Variants in AIG1 observed in about 807,000 individuals in gnomAD.
AIG1 encodes the protein androgen-induced gene 1 protein.
A neutral mutation model predicts 31.4 loss-of-function variants in AIG1; 23 were observed. The observed-to-expected ratio is 0.73, with a 90% confidence interval of 0.53 to 1.04. The LOEUF is 1.04. Among genes scored for constraint, AIG1 ranks in the 50% least tolerant of loss-of-function variants. The pLI, the probability that AIG1 is intolerant of heterozygous loss-of-function variation, is 0.00. For synonymous variants in AIG1, 100 were observed against 110.5 expected (o/e 0.90, Z 0.60); for missense variants, 274 against 295.0 (o/e 0.93, Z 0.52).
rs1213565496 is a variant in AIG1 at position 143,163,288 on chromosome 6, ACTAT to A, written c.298-1791_298-1788del. 3.9e-5 allele frequency among the ~76,000 whole-genome samples: 6 copies of A among 152,208 alleles called. No individual in the cohort carries two copies. The East Asian group carries it at 9.6e-4, about 24-fold the overall frequency. On this transcript the variant is annotated intron_variant, in intron 2 of 5. Transcript: ENST00000357847. ...AATGGCTATCTTTAATTAAGTGTTT[ACTAT>A]CTGTCACTAATATCTTTAGGTGTGA...
intron 1 of AIG1, among the ~76,000 whole-genome samples, chr6:143,073,913 C>T (rs796991945): frequency 1.3e-5 from 2 of 152,192 alleles, no homozygotes; most frequent in African/African-American, 2.4e-5. Context: ...CCAATAACTT[C>T]GCACCAGGCC....
At chr6:143,307,792 C>A (rs1451146550) in intron 4 of AIG1, among the ~76,000 whole-genome samples, 1 of 152,208 alleles carries the variant, frequency 6.6e-6, no homozygotes, top group Non-Finnish European at 1.5e-5. Flanking sequence ...TTGTCTGTGC[C>A]CTGCCCCCAG....
At chr6:143,300,308 C>T (rs1376638019) in intron 4 of AIG1, among the ~76,000 whole-genome samples, 2 of 152,136 alleles carry the variant, frequency 1.3e-5, no homozygotes, top group Admixed American at 6.5e-5. Context: ...TATTTCTGGA[C>T]AAGTTTTTAT....
intron 3 of AIG1, among the ~76,000 whole-genome samples, chr6:143,266,935 A>G (rs1205610651): frequency 6.6e-6 from 1 of 152,178 alleles, no homozygotes. Flanking sequence ...TTCATTAAGG[A>G]CAATAATATG....
intron 3 of AIG1, among the ~76,000 whole-genome samples, chr6:143,252,998 A>G (rs907827320): frequency 1.3e-5 from 2 of 152,132 alleles, no homozygotes; most frequent in Non-Finnish European, 2.9e-5. Context: ...GCCTCCCCAC[A>G]TGGCTGTTTG....
intron 4 of AIG1, among the ~76,000 whole-genome samples, chr6:143,310,405 A>C (rs1033539623): frequency 1.3e-5 from 2 of 151,946 alleles, no homozygotes; most frequent in Non-Finnish European, 2.9e-5. Context: ...CATGGTTCAA[A>C]TAAGAAGTGG....
rs1386047894 is a variant in AIG1, at chr6:143,082,333, G to A, written c.141+21267G>A. Among the ~76,000 whole-genome samples, 5 of 152,086 alleles carry A rather than the reference G, an allele frequency of 3.3e-5. No individual in the cohort carries two copies. The East Asian group carries it at 5.8e-4, about 18-fold the overall frequency. The stretch of plus-strand genomic sequence containing the variant: ...TTCCATCAGTATACAAGTTGAGGTC[G>A]GGATCAGTCAAGGGAACCTCTAAAA... On this transcript the variant is annotated intron_variant, in intron 1 of 5. Transcript: ENST00000357847.
At position 143,291,619 on chromosome 6, in the gene AIG1, C is replaced by T. The variant is rs758908291; in HGVS notation, c.515+7394C>T. Among the ~76,000 whole-genome samples the T allele has an allele frequency of 1.1e-4, 16 of 152,280 alleles. No individual in the cohort carries two copies. Among genetic ancestry groups the T allele is most frequent in the Middle Eastern group, 3.4e-3 (1 of 294 alleles). On this transcript the variant is annotated intron_variant, in intron 4 of 5. Transcript: ENST00000357847. The surrounding 1 kb of genome is among the most constrained non-coding windows in gnomAD (Gnocchi z 4.2). ...ATTCATCCTTCTTCCATTTCCCCCG[C>T]CAGAAAGGAAAGAGGCATCTCAGAA...
At chr6:143,191,916 C>A (rs775797576) in intron 3 of AIG1, among the ~76,000 whole-genome samples, 3 of 125,602 alleles carry the variant, frequency 2.4e-5, no homozygotes, top group African/African-American at 5.2e-5. Flanking sequence ...TGTTTCCCCA[C>A]GAAAGTTTTG....
intron 3 of AIG1, among the ~76,000 whole-genome samples, chr6:143,194,213 C>G (rs1014886147): frequency 3.3e-5 from 5 of 152,082 alleles, no homozygotes; most frequent in African/African-American, 1.2e-4. Flanking sequence ...ACAATCATGG[C>G]AGAAAAGGAA....
At position 143,293,646 on chromosome 6, in the gene AIG1, T is replaced by A. The variant is rs1798210980; in HGVS notation, c.515+9421T>A. ...AATCCCCAGTATTTATTATTCTGAG[T>A]TTTTTGTTCTCCTACCCCCAACAGC... On this transcript the variant is annotated intron_variant, in intron 4 of 5. Coordinates refer to ENST00000357847, the MANE Select transcript of AIG1 (RefSeq NM_016108.4). This position sits in a 1 kb window ranked among gnomAD's most constrained non-coding sequence, Gnocchi z 4.8. 6.6e-6 allele frequency among the ~76,000 whole-genome samples: 1 copy of A among 152,060 alleles called. No homozygotes were observed. Among genetic ancestry groups the A allele is most frequent in the South Asian group, 2.1e-4 (1 of 4,816 alleles).
intron 3 of AIG1, among the ~76,000 whole-genome samples, chr6:143,165,882 A>T (rs1480025715): frequency 6.6e-6 from 1 of 152,158 alleles, no homozygotes. Context: ...CTGCAGTGAA[A>T]TTTTGTTTCA....
intron 4 of AIG1, among the ~76,000 whole-genome samples, chr6:143,307,680 C>T (rs1799434581): frequency 6.6e-6 from 1 of 152,196 alleles, no homozygotes; most frequent in South Asian, 2.1e-4. Context: ...GGCAGTCTGC[C>T]CATTCTCAGA....
At chr6:143,337,485 G>C (rs937964247) in intron 5 of AIG1, among the ~76,000 whole-genome samples, 10 of 152,030 alleles carry the variant, frequency 6.6e-5, no homozygotes, top group African/African-American at 1.9e-4. Context: ...AGTTTGGCGG[G>C]GTGGAGCGCG....
chr6:143,134,102 C>T (rs1458613840), intron 1 of AIG1, among the ~76,000 whole-genome samples: 2 of 152,002 alleles, frequency 1.3e-5, no homozygotes, highest in Non-Finnish European at 2.9e-5. Flanking sequence ...TCTCTTTAAA[C>T]TTTTAAGTTA....
At chr6:143,182,146 C>G (rs1258677149) in intron 3 of AIG1, among the ~76,000 whole-genome samples, 1 of 152,160 alleles carries the variant, frequency 6.6e-6, no homozygotes, top group African/African-American at 2.4e-5. Context: ...CTACCCCAGC[C>G]TCCTGAGAAG....
intron 1 of AIG1, among the ~76,000 whole-genome samples, chr6:143,071,163 A>C (rs1447057989): frequency 6.6e-6 from 1 of 152,218 alleles, no homozygotes; most frequent in Non-Finnish European, 1.5e-5. Flanking sequence ...CATTTCAAGA[A>C]TATTGTGTAT....
intron 1 of AIG1, among the ~76,000 whole-genome samples, chr6:143,088,339 T>C (rs954498221): frequency 1.3e-5 from 2 of 152,142 alleles, no homozygotes; most frequent in African/African-American, 4.8e-5. Context: ...AAAATCCCTA[T>C]AGAATAGGAA....
chr6:143,283,357 G>A (rs144277772), intron 3 of AIG1, among the ~76,000 whole-genome samples: 1 of 152,226 alleles, frequency 6.6e-6, no homozygotes, highest in African/African-American at 2.4e-5. Flanking sequence ...GTCCAAACTG[G>A]CACACCATTT....
Sources: gnomAD v4.1 joint callset for allele counts (sites outside exome capture counted in the v4.1 genomes callset) on GRCh38, gnomAD v4.1.1 for gene constraint, Gnocchi (gnomAD v3.1) non-coding constraint, MANE v1.5 for transcripts, NCBI Gene and HGNC (gene_info 2026-07-23, HGNC 2026-07-21) for gene names.